Variants in CYREN observed in about 807,000 individuals in gnomAD.
CYREN encodes cell cycle regulator of non-homologous end joining.
In CYREN, 7 loss-of-function variants were observed where a neutral mutation model predicts 9.7. The observed-to-expected ratio is 0.72, with a 90% CI of 0.41 to 1.36. The LOEUF is 1.36. Among genes scored for constraint, CYREN ranks in the 40% most tolerant of loss-of-function variants. The probability of loss-of-function intolerance (pLI) is 0.01; values close to 1 mark genes in which losing one functional copy is unlikely to be tolerated. For missense variants in CYREN, 215 were observed against 198.1 expected (o/e 1.09, Z -0.51); for synonymous variants, 76 against 77.9 (o/e 0.98, Z 0.13).
chr7:135,168,746 T>G, intron 2 of CYREN, 40 bp downstream of exon 2: 1 of 1,603,868 alleles, frequency 6.2e-7, no homozygotes, highest in Non-Finnish European at 8.5e-7. Context: ...CTGCTCCACT[T>G]GCCAGATTCG....
At chr7:135,096,598 TAG>T (rs1822833491) in intron 2 of CYREN, among the ~76,000 whole-genome samples, 3 of 115,872 alleles carry the variant, frequency 2.6e-5, no homozygotes, top group African/African-American at 9.1e-5. Flanking sequence ...GATAGATAGA[TAG>T]ATAGATAGAT....
intron 2 of CYREN, chr7:135,168,443 C>T: frequency 2.9e-6 from 1 of 339,116 alleles, no homozygotes. Flanking sequence ...GACCCTTCCA[C>T]TGATCTTGCC....
intron 2 of CYREN, among the ~76,000 whole-genome samples, chr7:135,096,945 C>A (rs62479692): frequency 0.067 from 10,261 of 152,134 alleles, 389 homozygotes; most frequent in Middle Eastern, 0.19. Context: ...TGTGAAAGCA[C>A]ATATGAAGAC....
chr7:135,108,605 C>A (rs970523499), intron 2 of CYREN, among the ~76,000 whole-genome samples: 1 of 152,078 alleles, frequency 6.6e-6, no homozygotes, highest in East Asian at 1.9e-4. Flanking sequence ...AGGTGACCTG[C>A]CCTTTCTCTC....
chr7:135,128,923 T>C (rs1299038748), intron 2 of CYREN: 2 of 1,523,764 alleles, frequency 1.3e-6, no homozygotes, highest in African/African-American at 1.4e-5. Context: ...AATTTGTTCC[T>C]GTGCAATATC....
chr7:135,146,867 T>C (rs1403654889), intron 2 of CYREN, among the ~76,000 whole-genome samples: 1 of 152,218 alleles, frequency 6.6e-6, no homozygotes, highest in African/African-American at 2.4e-5. Flanking sequence ...TTTGAAAAAC[T>C]GACTCTTTGA....
intron 2 of CYREN, chr7:135,128,768 A>G: frequency 7.6e-7 from 1 of 1,321,774 alleles, no homozygotes. Flanking sequence ...ACAGAGCTAG[A>G]TTTTGGAGGA....
At chr7:135,117,194 A>G (rs1255246479) in intron 2 of CYREN, among the ~76,000 whole-genome samples, 1 of 152,048 alleles carries the variant, frequency 6.6e-6, no homozygotes, top group Non-Finnish European at 1.5e-5. Context: ...AAGAATTTTC[A>G]TCATTACCAA....
At chr7:135,142,246 T>C (rs888407627) in intron 2 of CYREN, among the ~76,000 whole-genome samples, 2 of 152,180 alleles carry the variant, frequency 1.3e-5, no homozygotes, top group Admixed American at 1.3e-4. Context: ...CATAAACAGA[T>C]AATGTAAACT....
chr7:135,166,777 C>T lies in CYREN; in HGVS notation c.308G>A (p.Ser103Asn). ...CTCTTCCTCACTGCTGCTCCCAGAA[C>T]TTGTGTGAGGCGACACGGAGCAGGG... ...SPPCSVSPHTSSGSSSEEEDS... is the reference protein window; with the variant it reads ...SPPCSVSPHTNSGSSSEEEDS... Residue 103 changes from serine (S) to asparagine (N), a missense_variant, in exon 4 of 4, where the codon AGT (serine) becomes AAT (asparagine). By Grantham distance (46) the Ser-to-Asn change is conservative. Coordinates refer to ENST00000393114, the MANE Select transcript of CYREN (RefSeq NM_024033.4). The T allele has an allele frequency of 1.9e-6, 3 of 1,614,176 alleles. No homozygotes were observed. Among genetic ancestry groups the T allele is most frequent in the Non-Finnish European group, 2.5e-6 (3 of 1,180,044 alleles).
chr7:135,116,450 T>C (rs1205803898), intron 2 of CYREN, among the ~76,000 whole-genome samples: 2 of 152,220 alleles, frequency 1.3e-5, no homozygotes, highest in African/African-American at 4.8e-5. Context: ...GTGAAGGCTA[T>C]GAACCATTGC....
At chr7:135,122,135 G>T (rs1291496377) in intron 2 of CYREN, among the ~76,000 whole-genome samples, 1 of 152,194 alleles carries the variant, frequency 6.6e-6, no homozygotes, top group East Asian at 1.9e-4. Flanking sequence ...AACACACTAA[G>T]CTCCCTGGGT....
At chr7:135,116,389 G>C (rs1826315660) in intron 2 of CYREN, among the ~76,000 whole-genome samples, 1 of 152,048 alleles carries the variant, frequency 6.6e-6, no homozygotes, top group Admixed American at 6.6e-5. Context: ...AATATACAAA[G>C]AGTGCTTACA....
At chr7:135,148,685 T>A (rs1005955520) in intron 2 of CYREN, among the ~76,000 whole-genome samples, 14 of 152,150 alleles carry the variant, frequency 9.2e-5, no homozygotes, top group African/African-American at 3.4e-4. Flanking sequence ...AAACCACTAT[T>A]CAATGGTAGT....
chr7:135,099,306 T>G (rs1823406185), intron 2 of CYREN, among the ~76,000 whole-genome samples: 2 of 152,164 alleles, frequency 1.3e-5, no homozygotes. Context: ...TTTATATTGT[T>G]TGCTGTTCTC....
In CYREN at chr7:135,127,389, T is replaced by C. The variant is rs149468171; in HGVS notation, n.357-32807A>G. ...GGCCAACATGAAACCCCATCTCTAC[T>C]AAAATACAAAAAATTAGCCGGGGTG... On this transcript the variant is annotated intron_variant and non_coding_transcript_variant, in intron 2 of 2. Transcript: ENST00000459937. 3.2e-4 allele frequency among the ~76,000 whole-genome samples: 49 copies of C among 151,658 alleles called. 1 individual carries two copies. The East Asian group carries it at 7.6e-3, about 23-fold the overall frequency.
chr7:135,143,549 G>A (rs1305013617), intron 2 of CYREN, among the ~76,000 whole-genome samples: 1 of 152,090 alleles, frequency 6.6e-6, no homozygotes, highest in East Asian at 1.9e-4. Flanking sequence ...AAACTAGACG[G>A]CTGAGGGTAT....
In CYREN at chr7:135,167,811, A is replaced by C; in HGVS notation, c.138-4T>G. ...CACAGTCCTTGTCGCAGGGAGTCTG[A>C]AAAAAAGACATGCAAGGCACAGATG... On this transcript the variant is annotated splice_polypyrimidine_tract_variant and splice_region_variant and intron_variant, in intron 2 of 3. Coordinates refer to ENST00000393114, the MANE Select transcript of CYREN (RefSeq NM_024033.4). 6.2e-7 allele frequency: 1 copy of C among 1,613,648 alleles called. No individual in the cohort carries two copies. The highest frequency in any genetic ancestry group is 8.5e-7 in the Non-Finnish European group (1 of 1,179,764).
intron 2 of CYREN, among the ~76,000 whole-genome samples, chr7:135,099,301 A>G (rs1290698747): frequency 6.6e-6 from 1 of 152,100 alleles, no homozygotes; most frequent in South Asian, 2.1e-4. Flanking sequence ...AGGTATTTAT[A>G]TTGTTTGCTG....
Sources: allele counts gnomAD v4.1 joint callset (sites outside exome capture counted in the v4.1 genomes callset), GRCh38; gene constraint gnomAD v4.1.1; transcripts MANE v1.5; gene names NCBI Gene and HGNC (gene_info 2026-07-23, HGNC 2026-07-21).